PCDHGA7: variants seen among roughly 807,000 people sequenced by gnomAD.
PCDHGA7 encodes protocadherin gamma subfamily A, 7.
A neutral mutation model predicts 58.3 loss-of-function variants in PCDHGA7; 44 were observed. That is an observed-to-expected ratio of 0.75 (90% CI 0.59 to 0.97). The LOEUF is 0.97. PCDHGA7 is among the 50% of genes least tolerant of loss of function. The probability of loss-of-function intolerance (pLI) is 0.00; values close to 1 mark genes in which losing one functional copy is unlikely to be tolerated. For synonymous variants in PCDHGA7, 516 were observed against 504.2 expected, an observed-to-expected ratio of 1.02 and a Z score of -0.31; for missense variants, 1,266 against 1,188.7, an observed-to-expected ratio of 1.06 and a Z score of -0.96.
At position 141,432,660 on chromosome 5, in the gene PCDHGA7, A is replaced by G; in HGVS notation, c.2424+47337A>G. The G allele has an allele frequency of 6.2e-7, 1 of 1,613,768 alleles. No individual in the cohort carries two copies. Among genetic ancestry groups the G allele is most frequent in the African/African-American group, 1.3e-5 (1 of 75,026 alleles). ...GTGCGCACGGCGCGAGCCCTGCTGG[A>G]CAGAGACGCGCTCAAGCAGAGCCTC... On this transcript the variant is annotated intron_variant, in intron 1 of 3. Coordinates refer to ENST00000518325, the MANE Select transcript of PCDHGA7 (RefSeq NM_018920.4). The surrounding 1 kb of genome is among the most constrained non-coding windows in gnomAD (Gnocchi z 6.0).
chr5:141,417,023 T>C (rs2096074487), intron 1 of PCDHGA7: 1 of 139,106 alleles, frequency 7.2e-6, no homozygotes, highest in South Asian at 2.3e-4. Flanking sequence ...TTTTGAAAAA[T>C]ACAGGTTTTT....
chr5:141,417,874 C>A (rs768197455), intron 1 of PCDHGA7: 2 of 1,555,202 alleles, frequency 1.3e-6, no homozygotes, highest in African/African-American at 2.7e-5. Context: ...GAGGGAGCTG[C>A]GCGCAGAGGC....
In PCDHGA7 at chr5:141,487,562, G is replaced by A. The variant is rs140619162; in HGVS notation, c.2425-7245G>A. The A allele has an allele frequency of 7.7e-5, 125 of 1,614,060 alleles. 1 individual carries two copies. The highest frequency in any genetic ancestry group is 5.7e-4 in the Admixed American group (34 of 60,006). On this transcript the variant is annotated intron_variant, in intron 1 of 3. Transcript: ENST00000518325. The surrounding 1 kb of genome is among the most constrained non-coding windows in gnomAD (Gnocchi z 5.0). ...GAAGTCACCCAGTGCACCTATGGCA[G>A]GGGAGCCTGTTCGCCCAAGCTGCCC...
rs1047637676 is a variant in PCDHGA7, at chr5:141,449,606, A to G, written c.2425-45201A>G. The stretch of plus-strand genomic sequence containing the variant: ...TCTGTCTCAAAAAAAAAAAAAAAAA[A>G]AGTAAAAAAGTTTTTTAAAAAGATG... On this transcript the variant is annotated intron_variant, in intron 1 of 3. Transcript: ENST00000518325. 3.9e-3 allele frequency among the ~76,000 whole-genome samples: 591 copies of G among 150,802 alleles called. 2 individuals carry two copies. The highest frequency in any genetic ancestry group is 0.01 in the Middle Eastern group (3 of 290).
At position 141,453,908 on chromosome 5, in the gene PCDHGA7, A is replaced by T. The variant is rs1198219869; in HGVS notation, c.2425-40899A>T. On this transcript the variant is annotated intron_variant, in intron 1 of 3. Transcript: ENST00000518325. ...CCAATCACATGACTTCTTTCAAAGT[A>T]TGTCAGTGATCAGTCACTGTGTGCC... Among the ~76,000 whole-genome samples, 4 of 152,242 alleles carry T rather than the reference A, an allele frequency of 2.6e-5. No homozygotes were observed. The East Asian group carries it at 5.8e-4, about 22-fold the overall frequency.
At chr5:141,465,779 G>A (rs1199779963) in intron 1 of PCDHGA7, among the ~76,000 whole-genome samples, 2 of 145,170 alleles carry the variant, frequency 1.4e-5, no homozygotes, top group African/African-American at 5.0e-5. Flanking sequence ...TCTTGTTACA[G>A]TTTTTTTTTT....
At chr5:141,397,632 G>A (rs1338700585) in intron 1 of PCDHGA7, among the ~76,000 whole-genome samples, 2 of 152,222 alleles carry the variant, frequency 1.3e-5, no homozygotes, top group African/African-American at 4.8e-5. Context: ...CTAGCTAAGA[G>A]TTCAAGGTAT....
chr5:141,384,334 C>A lies in PCDHGA7; in HGVS notation c.1435C>A (p.His479Asn), dbSNP rs1779970411. Residue 479 changes from histidine to asparagine, a missense_variant, in exon 1 of 4, where the codon CAC (histidine) becomes AAC (asparagine). Coordinates refer to ENST00000518325, the MANE Select transcript of PCDHGA7 (RefSeq NM_018920.4). ...CATTTTCTTAGTGACTGCACAGGAC[C>A]ACGACAGTGAGGATAATGCCCAGAT... is the stretch of plus-strand genomic sequence containing the variant. ...ASIFLVTAQDHDSEDNAQITY... is the reference protein window; with the variant it reads ...ASIFLVTAQDNDSEDNAQITY... 1 of 1,613,728 alleles carries A rather than the reference C, an allele frequency of 6.2e-7. No individual in the cohort carries two copies. Among genetic ancestry groups the A allele is most frequent in the African/African-American group, 1.3e-5 (1 of 74,924 alleles).
chr5:141,487,818 G>T lies in PCDHGA7; in HGVS notation c.2425-6989G>T, dbSNP rs1009237001. The T allele has an allele frequency of 1.2e-5, 16 of 1,331,602 alleles. No homozygotes were observed. Among genetic ancestry groups the T allele is most frequent in the Non-Finnish European group, 1.4e-5 (14 of 970,528 alleles). The allele number at this position is 1,331,602 out of a possible 1,614,324, so 82.5% of individuals were successfully genotyped here. On this transcript the variant is annotated intron_variant, in intron 1 of 3. Transcript: ENST00000518325. This position sits in a 1 kb window ranked among gnomAD's most constrained non-coding sequence, Gnocchi z 5.0. Reference sequence around the variant, plus strand: ...GAGTTGTCACAGTTTAGCATTGGGGGCGGGTCATGCCTATATCTGAGTAAG... The same window carrying T: ...GAGTTGTCACAGTTTAGCATTGGGGTCGGGTCATGCCTATATCTGAGTAAG...
At chr5:141,389,325 C>T (rs368804822) in intron 1 of PCDHGA7, 6 of 1,613,886 alleles carry the variant, frequency 3.7e-6, no homozygotes, top group Admixed American at 3.3e-5. Flanking sequence ...GGACTTGGGG[C>T]CCAACGGCCA....
chr5:141,385,529 T>G (rs568078652), intron 1 of PCDHGA7: 1 of 1,354,768 alleles, frequency 7.4e-7, no homozygotes, highest in South Asian at 2.0e-5. Context: ...TGGACAAGAT[T>G]ATGAATATGT....
intron 2 of PCDHGA7, among the ~76,000 whole-genome samples, chr5:141,502,576 T>C (rs1226513508): frequency 6.6e-6 from 1 of 152,168 alleles, no homozygotes; most frequent in African/African-American, 2.4e-5. Flanking sequence ...ATTATAAAAA[T>C]ATATTTTTAT....
chr5:141,408,071 T>C, intron 1 of PCDHGA7: 4 of 1,384,774 alleles, frequency 2.9e-6, no homozygotes, highest in Non-Finnish European at 2.9e-6. Context: ...GCGCAGACCT[T>C]TCCCAGCACA....
intron 1 of PCDHGA7, chr5:141,393,429 G>GCAA (rs761074463): frequency 2.5e-6 from 4 of 1,613,910 alleles, no homozygotes; most frequent in South Asian, 1.1e-5. Flanking sequence ...GGAGGAAGAG[G>GCAA]CTGCTCACCA....
rs758417744 is a variant in PCDHGA7, at chr5:141,430,916, G to A, written c.2424+45593G>A. On this transcript the variant is annotated intron_variant, in intron 1 of 3. Coordinates refer to ENST00000518325, the MANE Select transcript of PCDHGA7 (RefSeq NM_018920.4). ...GGTGGGCGACATCTCCAGGGACCTG[G>A]GGCTGGAGCCCCGGGAGCTCGCGGA... The A allele has an allele frequency of 1.9e-6, 3 of 1,607,878 alleles. No individual in the cohort carries two copies. The East Asian group carries it at 6.7e-5, about 36-fold the overall frequency.
At position 141,486,383 on chromosome 5, in the gene PCDHGA7, C is replaced by A. The variant is rs757384186; in HGVS notation, c.2425-8424C>A. On this transcript the variant is annotated intron_variant, in intron 1 of 3. Transcript: ENST00000518325. The surrounding 1 kb of genome is among the most constrained non-coding windows in gnomAD (Gnocchi z 5.0). ...TGCCCTCAAGTCTGCCTTCAGGAAC[C>A]AGTTCTCCCTGGTGACTGCTGGACC... The A allele has an allele frequency of 6.2e-7, 1 of 1,614,040 alleles. No homozygotes were observed. Among genetic ancestry groups the A allele is most frequent in the East Asian group, 2.2e-5 (1 of 44,884 alleles).
At chr5:141,505,015 A>G (rs965107997) in intron 2 of PCDHGA7, among the ~76,000 whole-genome samples, 1 of 152,160 alleles carries the variant, frequency 6.6e-6, no homozygotes, top group Admixed American at 6.5e-5. Flanking sequence ...TACAAAAATT[A>G]GCCTGGCACA....
chr5:141,489,971 C>A lies in PCDHGA7; in HGVS notation c.2425-4836C>A, dbSNP rs1254025468. 1 of 1,614,060 alleles carries A rather than the reference C, an allele frequency of 6.2e-7. No homozygotes were observed. The highest frequency in any genetic ancestry group is 1.3e-5 in the African/African-American group (1 of 74,944). Reference sequence around the variant, plus strand: ...AATGATAATGCTCCAACCTTCCAATCCTCAGTTCTACGTGTGGGAATCCCA... The same window carrying A: ...AATGATAATGCTCCAACCTTCCAATACTCAGTTCTACGTGTGGGAATCCCA... On this transcript the variant is annotated intron_variant, in intron 1 of 3. Transcript: ENST00000518325. The surrounding 1 kb of genome is among the most constrained non-coding windows in gnomAD (Gnocchi z 4.5).
In PCDHGA7 at chr5:141,462,383, G is replaced by A. The variant is rs78537075; in HGVS notation, c.2425-32424G>A. Among the ~76,000 whole-genome samples the A allele has an allele frequency of 5.6e-4, 85 of 151,920 alleles. 1 individual carries two copies. In the East Asian group the frequency reaches 0.016, roughly 29 times the overall value. ...GTATAGTTTCTATTCTTTTAAATTC[G>A]TTAACATTTCTTTTATGGCACAGAA... On this transcript the variant is annotated intron_variant, in intron 1 of 3. Transcript: ENST00000518325.
Sources: allele counts gnomAD v4.1 joint callset (sites outside exome capture counted in the v4.1 genomes callset), GRCh38; gene constraint gnomAD v4.1.1; non-coding constraint Gnocchi (gnomAD v3.1); transcripts MANE v1.5; gene names NCBI Gene and HGNC (gene_info 2026-07-23, HGNC 2026-07-21).